Variants in WDR64 observed in about 807,000 individuals in gnomAD.
WDR64 encodes WD repeat domain 64, also known as WD repeat-containing protein 64.
In WDR64, 112 loss-of-function variants were observed where a neutral mutation model predicts 139.3. That is an observed-to-expected ratio of 0.80 (90% CI 0.69 to 0.94). The LOEUF is 0.94. Among genes scored for constraint, WDR64 ranks in the 40% least tolerant of loss-of-function variants. The pLI is 0.00. For synonymous variants in WDR64, 444 were observed against 437.7 expected (o/e 1.01, Z -0.18); for missense variants, 1,206 against 1,293.1 (o/e 0.93, Z 1.03).
At chr1:241,787,795 A>G (rs1659092310) in intron 23 of WDR64, 54 bp from the exon 24 acceptor site, 1 of 1,489,864 alleles carries the variant, frequency 6.7e-7, no homozygotes, top group Non-Finnish European at 9.0e-7. Context: ...GAACAGAATA[A>G]CTTTGACCAA....
rs115950249 is a variant in WDR64 at position 241,701,235 on chromosome 1, C to T, written c.975-10567C>T. Among the ~76,000 whole-genome samples the T allele has an allele frequency of 2.2e-3, 329 of 152,326 alleles. 1 individual carries two copies. Among genetic ancestry groups the T allele is most frequent in the African/African-American group, 7.5e-3 (313 of 41,570 alleles). On this transcript the variant is annotated intron_variant, in intron 8 of 27. Transcript: ENST00000437684. ...TTCACAATCTCCTTCTCTTAATTCACGCCATTCCATTTACACACACATACA... is the reference window on the plus strand; with the variant it reads ...TTCACAATCTCCTTCTCTTAATTCATGCCATTCCATTTACACACACATACA...
At chr1:241,791,400 C>T (rs139676547) in intron 25 of WDR64, among the ~76,000 whole-genome samples, 2 of 152,306 alleles carry the variant, frequency 1.3e-5, no homozygotes, top group African/African-American at 4.8e-5. Context: ...GGGCCGGGCA[C>T]AGTGGCCTGT....
rs1288546255 is a variant in WDR64, at chr1:241,711,918, C to T, written c.1054+37C>T. On this transcript the variant is annotated intron_variant, in intron 9 of 27. Transcript: ENST00000437684. ...GTTCACATTACATAGGGGTTTTCTA[C>T]TTTGCAAACATCGTTCTCTTCGAGT... The T allele has an allele frequency of 4.4e-6, 7 of 1,596,076 alleles. No homozygotes were observed. In the African/African-American group the frequency reaches 9.4e-5, roughly 21 times the overall value.
chr1:241,699,054 C>T (rs945499295), intron 8 of WDR64, among the ~76,000 whole-genome samples: 1 of 152,086 alleles, frequency 6.6e-6, no homozygotes, highest in Non-Finnish European at 1.5e-5. Context: ...ATGCACTATC[C>T]CAAGAACAGC....
chr1:241,743,623 G>A (rs1414992384), intron 12 of WDR64, among the ~76,000 whole-genome samples: 1 of 152,130 alleles, frequency 6.6e-6, no homozygotes, highest in Non-Finnish European at 1.5e-5. Flanking sequence ...CAATCATTCT[G>A]TGTTGCCAGT....
At chr1:241,779,945 G>C (rs1658787458) in intron 21 of WDR64, 59 bp from the exon 22 acceptor site, 2 of 1,315,414 alleles carry the variant, frequency 1.5e-6, no homozygotes, top group East Asian at 2.6e-5. Context: ...CTTTTGGATA[G>C]TATTGATTTA....
At chr1:241,799,376 C>CA (rs146121342) in intron 27 of WDR64, among the ~76,000 whole-genome samples, 11,153 of 103,822 alleles carry the variant, frequency 0.11, 533 homozygotes, top group Admixed American at 0.19. Context: ...AACTCTGTCT[C>CA]AAAAAAAAAA....
chr1:241,701,141 C>T (rs1667694222), intron 8 of WDR64, among the ~76,000 whole-genome samples: 1 of 152,200 alleles, frequency 6.6e-6, no homozygotes, highest in South Asian at 2.1e-4. Flanking sequence ...CTTCAACTAG[C>T]ATGATTTAAT....
chr1:241,683,819 AAATT>A (rs1360082212), intron 7 of WDR64, 118 bp downstream of exon 7: 1 of 828,382 alleles, frequency 1.2e-6, no homozygotes, highest in Non-Finnish European at 1.8e-6. Flanking sequence ...AATTAAGACA[AAATT>A]AAAGTAATAT....
At chr1:241,655,369 A>G (rs565598021) in intron 1 of WDR64, among the ~76,000 whole-genome samples, 13 of 152,268 alleles carry the variant, frequency 8.5e-5, no homozygotes, top group Non-Finnish European at 1.6e-4. Context: ...AGCCTGGGCT[A>G]CAGAGAGAGA....
At chr1:241,759,262 T>C (rs1372923697) in intron 15 of WDR64, among the ~76,000 whole-genome samples, 1 of 152,196 alleles carries the variant, frequency 6.6e-6, no homozygotes, top group African/African-American at 2.4e-5. Context: ...GCATGTGGAA[T>C]GTACTGTCAA....
chr1:241,706,795 G>A (rs1667969674), intron 8 of WDR64, among the ~76,000 whole-genome samples: 1 of 151,954 alleles, frequency 6.6e-6, no homozygotes, highest in Admixed American at 6.6e-5. Context: ...ATTTTTTCAG[G>A]TGATTGTTCT....
Position 241,796,273 on chromosome 1 carries a change from G to A in WDR64, c.3095G>A (p.Ser1032Asn). The change falls in exon 27 of 28, where the codon AGT becomes AAT. Residue 1032 changes from serine (S) to asparagine (N), a missense_variant. Ser to Asn is a conservative substitution (Grantham distance 46). Transcript: ENST00000437684. ...GGCTTCCAGATATCAAGCCCCACTA[G>A]TCTAAGATTTCTTCCACTGATTGGC... ...LPIYSISSPT[S>N]LRFLPLIGVE... 1 of 1,613,416 alleles carries A rather than the reference G, an allele frequency of 6.2e-7. No individual in the cohort carries two copies. The highest frequency in any genetic ancestry group is 8.5e-7 in the Non-Finnish European group (1 of 1,179,652).
intron 10 of WDR64, among the ~76,000 whole-genome samples, chr1:241,732,252 C>T (rs1300877194): frequency 6.6e-6 from 1 of 152,144 alleles, no homozygotes; most frequent in Non-Finnish European, 1.5e-5. Context: ...GTACAATTTT[C>T]ATTATGGAAT....
intron 14 of WDR64, among the ~76,000 whole-genome samples, chr1:241,752,781 G>A (rs1231025516): frequency 6.6e-6 from 1 of 152,190 alleles, no homozygotes; most frequent in Non-Finnish European, 1.5e-5. Context: ...ATCCTGGGAA[G>A]TCAAGGCTGC....
chr1:241,726,283 C>G (rs56380667), intron 10 of WDR64, among the ~76,000 whole-genome samples: 49,074 of 151,628 alleles, frequency 0.32, 8,496 homozygotes, highest in Middle Eastern at 0.46. Flanking sequence ...AAAAAAAGAG[C>G]AAGGGACTGC....
intron 2 of WDR64, among the ~76,000 whole-genome samples, chr1:241,662,243 T>C (rs578037207): frequency 5.6e-4 from 85 of 152,336 alleles, no homozygotes; most frequent in African/African-American, 2.0e-3. Context: ...ATCAGGAGTC[T>C]GGGACAGCTT....
At chr1:241,697,779 A>T (rs923540520) in intron 8 of WDR64, among the ~76,000 whole-genome samples, 15 of 152,008 alleles carry the variant, frequency 9.9e-5, no homozygotes, top group African/African-American at 3.6e-4. Flanking sequence ...ATTCTCTCTA[A>T]TGTAGCTTCT....
chr1:241,790,719 A>G (rs747522074), intron 25 of WDR64, 23 bp downstream of exon 25: 5 of 1,484,574 alleles, frequency 3.4e-6, no homozygotes, highest in Middle Eastern at 1.8e-4. Context: ...AAAAAAAAAA[A>G]AAGAAATGGC....
Sources: gnomAD v4.1 joint callset for allele counts (sites outside exome capture counted in the v4.1 genomes callset) on GRCh38, gnomAD v4.1.1 for gene constraint, MANE v1.5 for transcripts, NCBI Gene and HGNC (gene_info 2026-07-23, HGNC 2026-07-21) for gene names.